The following COLGALT1 variants were observed in gnomAD, a reference collection of about 807,000 sequenced individuals.
COLGALT1 encodes collagen beta(1-O)galactosyltransferase 1, also known as procollagen galactosyltransferase 1.
COLGALT1 carries 43 observed loss-of-function variants against 60.8 expected under a neutral mutation model. The ratio of observed to expected loss-of-function variants is 0.71; its 90% CI spans 0.55 to 0.91. The LOEUF is 0.91. COLGALT1 is among the 40% of genes least tolerant of loss of function. The pLI, the probability that COLGALT1 is intolerant of heterozygous loss-of-function variation, is 0.00. For missense variants in COLGALT1, 845 were observed against 880.0 expected (o/e 0.96, Z 0.50); for synonymous variants, 369 against 374.2 (o/e 0.99, Z 0.16).
At chr19:17,575,109 T>C (rs1327119110) in intron 6 of COLGALT1, among the ~76,000 whole-genome samples, 1 of 152,222 alleles carries the variant, frequency 6.6e-6, no homozygotes, top group Non-Finnish European at 1.5e-5. Flanking sequence ...TGGAGTGCAA[T>C]GGTGCGATCT....
At position 17,577,970 on chromosome 19, in the gene COLGALT1, A is replaced by G. The variant is rs148691858; in HGVS notation, c.1147A>G (p.Ser383Gly). Residue 383 changes from serine to glycine, a missense_variant, in exon 9 of 12, where the codon AGC (serine) becomes GGC (glycine). Transcript: ENST00000252599. ...EAVDGKAMNT[S>G]QVEALGIQML... ...CCTCCTCTCCAGAGCCATGAACACC[A>G]GCCAGGTGGAGGCGCTGGGGATCCA... 1.1e-3 allele frequency: 1,762 copies of G among 1,610,386 alleles called. 2 individuals carry two copies. Among genetic ancestry groups the G allele is most frequent in the Non-Finnish European group, 1.4e-3 (1,649 of 1,178,774 alleles).
At chr19:17,561,308 T>C (rs529004912) in intron 3 of COLGALT1, among the ~76,000 whole-genome samples, 2 of 152,168 alleles carry the variant, frequency 1.3e-5, no homozygotes, top group South Asian at 2.1e-4. Flanking sequence ...CTCCAACCCC[T>C]GGGCTCAAGT....
At chr19:17,577,613 A>G in intron 8 of COLGALT1, 146 bp downstream of exon 8, 1 of 768,018 alleles carries the variant, frequency 1.3e-6, no homozygotes, top group Non-Finnish European at 2.0e-6. Flanking sequence ...CTGAAGGGGA[A>G]GTGAATGGGA....
chr19:17,560,268 A>G, intron 2 of COLGALT1, 80 bp from the exon 3 acceptor site: 1 of 1,102,100 alleles, frequency 9.1e-7, no homozygotes, highest in Non-Finnish European at 1.4e-6. Context: ...GCTCTCTCTG[A>G]GTACCCCGAA....
chr19:17,576,924 C>T (rs1288739603), intron 6 of COLGALT1, among the ~76,000 whole-genome samples: 1 of 140,976 alleles, frequency 7.1e-6, no homozygotes, highest in South Asian at 2.3e-4. Flanking sequence ...CGCGGTGAAG[C>T]TGGGGCCTGG....
At chr19:17,559,477 C>T in intron 2 of COLGALT1, 56 bp downstream of exon 2, 8 of 1,321,244 alleles carry the variant, frequency 6.1e-6, no homozygotes, top group African/African-American at 1.5e-5. Context: ...GCTCACACAC[C>T]CTCTATGGCT....
In COLGALT1 at chr19:17,559,404, G is replaced by A. The variant is rs1365445560; in HGVS notation, c.354G>A (p.Arg118=). 1.3e-6 allele frequency: 2 copies of A among 1,551,742 alleles called. No individual in the cohort carries two copies. Among genetic ancestry groups the A allele is most frequent in the South Asian group, 2.4e-5 (2 of 84,074 alleles). ...GTTTGTACCATTCCGTGGAGTGGCG[G>A]CCAGCAGAGGAGCCCAGGTGAGCAT... ...VKSLYHSVEW[R]PAEEPRSYPD... The change falls in exon 2 of 12, where the codon CGG becomes CGA. Residue 118 remains arginine (R), a synonymous_variant. Transcript: ENST00000252599.
intron 1 of COLGALT1, among the ~76,000 whole-genome samples, chr19:17,556,885 C>G (rs1411559504): frequency 6.6e-6 from 1 of 152,100 alleles, no homozygotes; most frequent in Non-Finnish European, 1.5e-5. Flanking sequence ...TGCACTCCAG[C>G]CTGGGCTACA....
At chr19:17,562,669 A>C (rs1277151414) in intron 3 of COLGALT1, among the ~76,000 whole-genome samples, 1 of 151,694 alleles carries the variant, frequency 6.6e-6, no homozygotes, top group African/African-American at 2.4e-5. Context: ...CTCAAAAAAA[A>C]AAAGCCACAC....
Position 17,577,487 on chromosome 19 carries a change from GT to G in COLGALT1, c.1133+21del. 1 of 348,172 alleles carries G rather than the reference GT, an allele frequency of 2.9e-6. No homozygotes were observed. The highest frequency in any genetic ancestry group is 5.6e-6 in the Non-Finnish European group (1 of 177,148). The allele number at this position is 348,172 out of a possible 1,614,324, so 21.6% of individuals were successfully genotyped here. A position where few individuals can be genotyped will look rare whatever the true frequency, so the allele number is the denominator to read the frequency against. On this transcript the variant is annotated intron_variant, in intron 8 of 11. Coordinates refer to ENST00000252599, the MANE Select transcript of COLGALT1 (RefSeq NM_024656.4). ...CGGCAAGTGAGTCCGAGGCCTGGGG[GT>G]GGGGGGGCGGGTCCGCACGTGGATG...
In COLGALT1 at chr19:17,577,873, C is replaced by T. The variant is rs531164389; in HGVS notation, c.1134-84C>T. ...AAGAGGTGGACCAGCTGCTCAACGC[C>T]GCAGGGGGTGGTGGAATGGCCGGGG... On this transcript the variant is annotated intron_variant, in intron 8 of 11. Transcript: ENST00000252599. 10 of 1,530,394 alleles carry T rather than the reference C, an allele frequency of 6.5e-6. No individual in the cohort carries two copies. In the South Asian group the frequency reaches 7.6e-5, roughly 12 times the overall value. 94.8% of individuals were successfully genotyped at this position (1,530,394 alleles called of 1,614,324 possible).
intron 3 of COLGALT1, among the ~76,000 whole-genome samples, chr19:17,561,066 G>A (rs1267719092): frequency 2.0e-5 from 3 of 151,248 alleles, no homozygotes; most frequent in African/African-American, 4.8e-5. Context: ...TTAGCCGGGC[G>A]TGGTGGCAGG....
At chr19:17,561,016 T>G (rs1402085391) in intron 3 of COLGALT1, among the ~76,000 whole-genome samples, 1 of 151,516 alleles carries the variant, frequency 6.6e-6, no homozygotes, top group African/African-American at 2.4e-5. Flanking sequence ...ACCAGCCTGG[T>G]CAATATGGTG....
At chr19:17,556,551 G>A (rs1286408733) in intron 1 of COLGALT1, 1 of 985,296 alleles carries the variant, frequency 1.0e-6, no homozygotes, top group Non-Finnish European at 1.2e-6. Context: ...TTCTTGGTAG[G>A]GAATGGGGCA....
chr19:17,581,419 A>G lies in COLGALT1; in HGVS notation c.1844A>G (p.Asp615Gly), dbSNP rs1194775069. ...TCGGACGTGCTCCAGTCCCCACTGG[A>G]CAGTGCTGCCCGGGATGAACTCTGA... ...KNSDVLQSPLDSAARDEL is the reference protein window; with the variant it reads ...KNSDVLQSPLGSAARDEL Residue 615 changes from aspartate (D) to glycine (G), a missense_variant, in exon 12 of 12, where the codon GAC becomes GGC. Physicochemically the swap from Asp to Gly is moderately conservative, Grantham distance 94. Coordinates refer to ENST00000252599, the MANE Select transcript of COLGALT1 (RefSeq NM_024656.4). 1 of 1,610,516 alleles carries G rather than the reference A, an allele frequency of 6.2e-7. No individual in the cohort carries two copies. Among genetic ancestry groups the G allele is most frequent in the Admixed American group, 1.7e-5 (1 of 60,014 alleles).
Position 17,580,814 on chromosome 19 carries a change from C to T in COLGALT1, c.1510C>T (p.Gln504Ter). The T allele has an allele frequency of 6.2e-7, 1 of 1,614,054 alleles. No individual in the cohort carries two copies. Among genetic ancestry groups the T allele is most frequent in the South Asian group, 1.1e-5 (1 of 91,066 alleles). The part of the protein sequence containing the change: ...YWTLAYVISL[Q>*]GARKLLAAEP... ...GACCCTGGCCTACGTGATCTCCCTGCAAGGCGCCCGCAAACTGCTGGCTGC... is the reference window on the plus strand; with the variant it reads ...GACCCTGGCCTACGTGATCTCCCTGTAAGGCGCCCGCAAACTGCTGGCTGC... The change falls in exon 11 of 12, where the codon CAA (glutamine) becomes TAA (stop). Residue 504 changes from glutamine to a stop codon, truncating the protein, a stop_gained. Coordinates refer to ENST00000252599, the MANE Select transcript of COLGALT1 (RefSeq NM_024656.4). LOFTEE classifies it high-confidence loss of function.
At position 17,568,507 on chromosome 19, in the gene COLGALT1, A is replaced by G; in HGVS notation, c.625-2A>G. On this transcript the variant is annotated splice_acceptor_variant, in intron 4 of 11. Coordinates refer to ENST00000252599, the MANE Select transcript of COLGALT1 (RefSeq NM_024656.4). LOFTEE classifies it high-confidence loss of function. ...CGCGGAACTCTCGCTCTCTCCCCAC[A>G]GGGCTACTACAAGCGCACACCTGCC... The G allele has an allele frequency of 6.2e-7, 1 of 1,613,622 alleles. No homozygotes were observed. Among genetic ancestry groups the G allele is most frequent in the Non-Finnish European group, 8.5e-7 (1 of 1,179,616 alleles).
chr19:17,582,931 G>A lies in COLGALT1; in HGVS notation c.*1487G>A, dbSNP rs1218961438. On this transcript the variant is annotated 3_prime_UTR_variant, in exon 12 of 12. Coordinates refer to ENST00000252599, the MANE Select transcript of COLGALT1 (RefSeq NM_024656.4). Reference sequence around the variant, plus strand: ...CAGGTGTGGTCCCTGCCTGCTTGATGAAGTTGCTCTGTTCAAGCCTTTGGT... The same window carrying A: ...CAGGTGTGGTCCCTGCCTGCTTGATAAAGTTGCTCTGTTCAAGCCTTTGGT... 6.6e-6 allele frequency: 1 copy of A among 152,444 alleles called. No homozygotes were observed. Among genetic ancestry groups the A allele is most frequent in the Non-Finnish European group, 1.5e-5 (1 of 68,218 alleles). The allele number at this position is 152,444 out of a possible 1,614,324, so 9.4% of individuals were successfully genotyped here.
At chr19:17,576,290 T>G (rs1817167348) in intron 6 of COLGALT1, among the ~76,000 whole-genome samples, 1 of 152,024 alleles carries the variant, frequency 6.6e-6, no homozygotes, top group South Asian at 2.1e-4. Flanking sequence ...AGGAGGTGCC[T>G]GGCTCAGCCT....
Sources: gnomAD v4.1 joint callset for allele counts (sites outside exome capture counted in the v4.1 genomes callset) on GRCh38, gnomAD v4.1.1 for gene constraint, MANE v1.5 for transcripts, NCBI Gene and HGNC (gene_info 2026-07-23, HGNC 2026-07-21) for gene names.